Variants in BNC2 observed in about 807,000 individuals in gnomAD.
The protein encoded by BNC2 is basonuclin zinc finger protein 2.
BNC2 carries 20 observed loss-of-function variants against 76.3 expected under a neutral mutation model. The observed-to-expected ratio is 0.26, with a 90% CI of 0.18 to 0.38. BNC2 has a LOEUF of 0.38. Among genes scored for constraint, BNC2 ranks in the 10% least tolerant of loss-of-function variants. BNC2 has a pLI of 1.00. For missense variants in BNC2, 1,382 were observed against 1,399.8 expected (o/e 0.99, Z 0.20); for synonymous variants, 582 against 514.8 (o/e 1.13, Z -1.77).
At chr9:16,632,307 AGGAGTTCACTTTCCGT>A (rs1237407409) in intron 3 of BNC2, among the ~76,000 whole-genome samples, 1 of 152,172 alleles carries the variant, frequency 6.6e-6, no homozygotes. Context: ...CTGTCCCTCC[AGGAGTTCACTTTCCGT>A]GGATCCCCCA....
At chr9:16,426,062 G>C (rs889092383) in intron 6 of BNC2, among the ~76,000 whole-genome samples, 3 of 152,224 alleles carry the variant, frequency 2.0e-5, no homozygotes, top group Non-Finnish European at 2.9e-5. Flanking sequence ...ACAGCATTTG[G>C]AAGTGTTCTC....
intron 3 of BNC2, among the ~76,000 whole-genome samples, chr9:16,645,162 C>G (rs1379452168): frequency 1.3e-5 from 2 of 152,036 alleles, no homozygotes; most frequent in African/African-American, 4.8e-5. Flanking sequence ...TTCCTTGAAC[C>G]TTGGCTTGGA....
chr9:16,666,321 TG>T (rs1233556582), intron 3 of BNC2, among the ~76,000 whole-genome samples: 1 of 152,232 alleles, frequency 6.6e-6, no homozygotes, highest in Admixed American at 6.5e-5. Context: ...GGCATTCCCT[TG>T]ATCTCTGCTA....
intron 3 of BNC2, among the ~76,000 whole-genome samples, chr9:16,693,389 C>A (rs1207365100): frequency 1.3e-5 from 2 of 152,136 alleles, no homozygotes; most frequent in African/African-American, 4.8e-5. Flanking sequence ...TAGTCTCGGT[C>A]AGTGCCCAAG....
At chr9:16,767,540 C>A (rs1825730994) in intron 1 of BNC2, among the ~76,000 whole-genome samples, 1 of 74,640 alleles carries the variant, frequency 1.3e-5, no homozygotes, top group Non-Finnish European at 4.2e-5. Flanking sequence ...AGAGTAGAGT[C>A]AGCCTGTATA....
At chr9:16,724,961 T>A (rs1049508033) in intron 3 of BNC2, among the ~76,000 whole-genome samples, 3 of 151,800 alleles carry the variant, frequency 2.0e-5, no homozygotes, top group African/African-American at 2.4e-5. Flanking sequence ...AAGAAAACTT[T>A]AAAAAAAATA....
At chr9:16,677,403 T>C (rs1822676999) in intron 3 of BNC2, among the ~76,000 whole-genome samples, 1 of 152,050 alleles carries the variant, frequency 6.6e-6, no homozygotes, top group Non-Finnish European at 1.5e-5. Flanking sequence ...TGAAACTCCA[T>C]CTCTACTAAA....
At position 16,845,700 on chromosome 9, in the gene BNC2, G is replaced by A. The variant is rs532515966; in HGVS notation, c.3+24946C>T. On this transcript the variant is annotated intron_variant, in intron 1 of 6. Coordinates refer to ENST00000380672, the MANE Select transcript of BNC2 (RefSeq NM_017637.6). ...CGCACCTCTGCACTCCAGCCTGGGC[G>A]ACAAAGCAAGACTCCGTCTCAAAAT... Among the ~76,000 whole-genome samples, 132 of 152,124 alleles carry A rather than the reference G, an allele frequency of 8.7e-4. 1 individual carries two copies. Among genetic ancestry groups the A allele is most frequent in the Non-Finnish European group, 1.5e-3 (101 of 68,000 alleles).
chr9:16,757,822 T>G (rs1825432008), intron 1 of BNC2, among the ~76,000 whole-genome samples: 1 of 152,182 alleles, frequency 6.6e-6, no homozygotes, highest in Admixed American at 6.5e-5. Context: ...GTCTTATAAA[T>G]TACAATTTTA....
In BNC2 at chr9:16,419,176, T is replaced by C; in HGVS notation, c.3113A>G (p.Asn1038Ser). The C allele has an allele frequency of 6.2e-7, 1 of 1,614,190 alleles. No homozygotes were observed. The highest frequency in any genetic ancestry group is 8.5e-7 in the Non-Finnish European group (1 of 1,180,040). The change falls in exon 7 of 7, where the codon AAC (asparagine) becomes AGC (serine). Residue 1038 changes from asparagine to serine, a missense_variant. Coordinates refer to ENST00000380672, the MANE Select transcript of BNC2 (RefSeq NM_017637.6). ...LSGSNGGIMC[N>S]ICHKMYSNKG... ...GTTGCTGTACATTTTGTGGCAAATGTTGCACATGATCCCACCATTGCTCCC... is the reference window on the plus strand; with the variant it reads ...GTTGCTGTACATTTTGTGGCAAATGCTGCACATGATCCCACCATTGCTCCC...
chr9:16,801,070 C>G (rs1038005752), intron 1 of BNC2, among the ~76,000 whole-genome samples: 16 of 152,170 alleles, frequency 1.1e-4, no homozygotes, highest in African/African-American at 3.9e-4. Flanking sequence ...TATTGCCCCA[C>G]AAGTATATAC....
At chr9:16,838,476 G>A (rs530678138) in intron 1 of BNC2, among the ~76,000 whole-genome samples, 46 of 152,096 alleles carry the variant, frequency 3.0e-4, no homozygotes, top group South Asian at 8.3e-4. Flanking sequence ...CAGGAGAATC[G>A]CTTGAACCCC....
intron 4 of BNC2, among the ~76,000 whole-genome samples, chr9:16,560,507 T>C (rs886074883): frequency 6.6e-6 from 1 of 151,766 alleles, no homozygotes; most frequent in East Asian, 1.9e-4. Context: ...AAGATAGGAA[T>C]TGGAGATCTG....
At chr9:16,485,219 G>A (rs547479685) in intron 5 of BNC2, among the ~76,000 whole-genome samples, 3 of 152,104 alleles carry the variant, frequency 2.0e-5, no homozygotes, top group Admixed American at 1.3e-4. Context: ...CTAAATGATC[G>A]TTCCTCATAA....
At chr9:16,509,174 G>A (rs147819648) in intron 5 of BNC2, among the ~76,000 whole-genome samples, 67 of 152,120 alleles carry the variant, frequency 4.4e-4, no homozygotes, top group African/African-American at 1.6e-3. Flanking sequence ...TTCATCTTCA[G>A]CAACTTTGAT....
chr9:16,616,790 G>GGGGAGGAAGGAAGGAA (rs1820712652), intron 3 of BNC2, among the ~76,000 whole-genome samples: 1 of 10,336 alleles, frequency 9.7e-5, no homozygotes, highest in Non-Finnish European at 5.8e-4. Flanking sequence ...GGAGGAAGGA[G>GGGGAGGAAGGAAGGAA]GGAAGGAAGG....
At chr9:16,558,462 C>A (rs1818905769) in intron 4 of BNC2, among the ~76,000 whole-genome samples, 1 of 152,132 alleles carries the variant, frequency 6.6e-6, no homozygotes, top group Non-Finnish European at 1.5e-5. Flanking sequence ...CTGGTACTAT[C>A]CCTGGAATCT....
At chr9:16,696,502 G>A (rs529419377) in intron 3 of BNC2, among the ~76,000 whole-genome samples, 1 of 152,138 alleles carries the variant, frequency 6.6e-6, no homozygotes, top group South Asian at 2.1e-4. Flanking sequence ...TGGATGAAAG[G>A]GATCTCATCG....
intron 2 of BNC2, among the ~76,000 whole-genome samples, chr9:16,729,218 A>C (rs903691419): frequency 6.6e-6 from 1 of 152,240 alleles, no homozygotes; most frequent in African/African-American, 2.4e-5. Context: ...ATAAACAGTA[A>C]GTTCAAAATG....
Sources: gnomAD v4.1 joint callset for allele counts (sites outside exome capture counted in the v4.1 genomes callset) on GRCh38, gnomAD v4.1.1 for gene constraint, MANE v1.5 for transcripts, NCBI Gene and HGNC (gene_info 2026-07-23, HGNC 2026-07-21) for gene names.